The following WDPCP variants were observed in gnomAD, a reference collection of about 807,000 sequenced individuals.
WDPCP encodes WD repeat containing planar cell polarity effector, also known as WD repeat-containing and planar cell polarity effector protein fritz homolog.
In WDPCP, 71 loss-of-function variants were observed where a neutral mutation model predicts 93.1. The observed-to-expected ratio is 0.76, with a 90% CI of 0.63 to 0.93. WDPCP has a LOEUF of 0.93. Ranked by LOEUF, WDPCP falls within the 40% of genes least tolerant of loss-of-function variation. The pLI, the probability that WDPCP is intolerant of heterozygous loss-of-function variation, is 0.00. For missense variants in WDPCP, 844 were observed against 887.4 expected, an observed-to-expected ratio of 0.95 and a Z score of 0.62; for synonymous variants, 315 against 315.0, an observed-to-expected ratio of 1.00 and a Z score of 0.00.
intron 9 of WDPCP, among the ~76,000 whole-genome samples, chr2:63,426,547 G>A (rs1696313021): frequency 6.6e-6 from 1 of 152,078 alleles, no homozygotes. Flanking sequence ...GTCCTTAAGG[G>A]AGTGCTAAAC....
At chr2:63,698,679 G>A (rs1426299141) in intron 2 of WDPCP, among the ~76,000 whole-genome samples, 1 of 152,152 alleles carries the variant, frequency 6.6e-6, no homozygotes, top group Non-Finnish European at 1.5e-5. Context: ...AGAATTTCCT[G>A]GCTAGCAAGA....
chr2:63,451,862 G>C (rs574940996), intron 6 of WDPCP, among the ~76,000 whole-genome samples: 2 of 152,284 alleles, frequency 1.3e-5, no homozygotes, highest in Non-Finnish European at 2.9e-5. Context: ...TATCTCAATA[G>C]ATGCAGAAAA....
intron 13 of WDPCP, among the ~76,000 whole-genome samples, chr2:63,267,477 A>C (rs1682236167): frequency 6.6e-6 from 1 of 152,246 alleles, no homozygotes; most frequent in Non-Finnish European, 1.5e-5. Flanking sequence ...AAGCAAAAAT[A>C]GATAAATGAG....
intron 3 of WDPCP, chr2:63,604,882 A>T (rs974475883): frequency 1.9e-6 from 3 of 1,613,694 alleles, no homozygotes; most frequent in Non-Finnish European, 2.5e-6. Flanking sequence ...GGTAAGAAAA[A>T]TCTGTGAGCC....
chr2:63,440,150 T>G, intron 6 of WDPCP: 1 of 353,736 alleles, frequency 2.8e-6, no homozygotes. Flanking sequence ...TCTAAATACT[T>G]AGAAAGCACA....
chr2:63,490,595 T>A (rs1019926519), intron 2 of WDPCP, among the ~76,000 whole-genome samples: 1 of 152,122 alleles, frequency 6.6e-6, no homozygotes, highest in African/African-American at 2.4e-5. Context: ...AATGTCCCAA[T>A]AGAGAGAATG....
At chr2:63,826,752 C>T (rs563472369) in intron 1 of WDPCP, among the ~76,000 whole-genome samples, 32 of 152,204 alleles carry the variant, frequency 2.1e-4, no homozygotes, top group African/African-American at 6.7e-4. Flanking sequence ...AATAGCATCC[C>T]TCTTCTACTC....
At chr2:63,357,510 AAAG>A (rs1690108240) in intron 12 of WDPCP, among the ~76,000 whole-genome samples, 1 of 152,234 alleles carries the variant, frequency 6.6e-6, no homozygotes, top group Admixed American at 6.5e-5. Context: ...CATATGAAAA[AAAG>A]CTCAGTATCA....
Position 63,783,278 on chromosome 2 carries a change from C to T in WDPCP, n.308+30344G>A, listed in dbSNP as rs147250098. On this transcript the variant is annotated intron_variant and non_coding_transcript_variant, in intron 2 of 4. Coordinates refer to the WDPCP transcript ENST00000467687. ...AAAAAAAATTAAAAAGGAAATTAGC[C>T]AGGTGTCATGGTACACACTGTAGTC... Among the ~76,000 whole-genome samples the T allele has an allele frequency of 4.3e-3, 652 of 151,844 alleles. 4 individuals carry two copies. Among genetic ancestry groups the T allele is most frequent in the African/African-American group, 0.015 (625 of 41,414 alleles).
At chr2:63,331,455 T>C (rs13021322) in intron 12 of WDPCP, among the ~76,000 whole-genome samples, 87,104 of 151,998 alleles carry the variant, frequency 0.57, 25,360 homozygotes, top group Admixed American at 0.65. Flanking sequence ...CATTGTGAGT[T>C]CTTTCAGTAC....
intron 6 of WDPCP, among the ~76,000 whole-genome samples, chr2:63,463,628 C>A (rs1039492393): frequency 6.6e-6 from 1 of 152,072 alleles, no homozygotes; most frequent in African/African-American, 2.4e-5. Flanking sequence ...GTGGTTCTGG[C>A]ATAAAAACAG....
chr2:63,531,941 C>G (rs953536130), intron 1 of WDPCP, among the ~76,000 whole-genome samples: 1 of 152,104 alleles, frequency 6.6e-6, no homozygotes, highest in Non-Finnish European at 1.5e-5. Context: ...TCGAACCCAT[C>G]ATAAGGAAGC....
upstream of WDPCP, chr2:63,589,416 A>G: frequency 6.5e-7 from 1 of 1,543,444 alleles, no homozygotes; most frequent in Non-Finnish European, 8.8e-7. Context: ...TTGGGTCCTA[A>G]CCCCTTTTTC....
At chr2:63,527,046 G>C (rs932222476) in intron 1 of WDPCP, among the ~76,000 whole-genome samples, 17 of 152,108 alleles carry the variant, frequency 1.1e-4, no homozygotes, top group African/African-American at 3.1e-4. Context: ...TTATTTTTAA[G>C]AATATGAGTG....
intron 14 of WDPCP, among the ~76,000 whole-genome samples, chr2:63,231,445 C>G (rs931383534): frequency 6.6e-6 from 1 of 152,082 alleles, no homozygotes; most frequent in African/African-American, 2.4e-5. Flanking sequence ...CATCTCAGCC[C>G]AAAATCTCCT....
chr2:63,734,292 T>C (rs1418139182), intron 2 of WDPCP, among the ~76,000 whole-genome samples: 1 of 152,134 alleles, frequency 6.6e-6, no homozygotes, highest in African/African-American at 2.4e-5. Flanking sequence ...AGAATTTGTA[T>C]AAAAATTGGC....
chr2:63,651,470 C>CACACACACACACAT (rs374360770), intron 2 of WDPCP, among the ~76,000 whole-genome samples: 1 of 151,744 alleles, frequency 6.6e-6, no homozygotes, highest in African/African-American at 2.4e-5. Flanking sequence ...CACACACACA[C>CACACACACACACAT]ACAGAGAGAC....
intron 6 of WDPCP, among the ~76,000 whole-genome samples, chr2:63,472,466 T>C (rs2105828944): frequency 6.6e-6 from 1 of 152,272 alleles, no homozygotes; most frequent in Non-Finnish European, 1.5e-5. Flanking sequence ...TGTCCCTTTG[T>C]CATTCTGTTC....
intron 1 of WDPCP, among the ~76,000 whole-genome samples, chr2:63,508,549 A>G (rs891109398): frequency 1.4e-4 from 21 of 152,182 alleles, no homozygotes; most frequent in African/African-American, 4.6e-4. Context: ...ATAACCAGCT[A>G]ACATCATAAT....
Sources: gnomAD v4.1 joint callset for allele counts (sites outside exome capture counted in the v4.1 genomes callset) on GRCh38, gnomAD v4.1.1 for gene constraint, MANE v1.5 for transcripts, NCBI Gene and HGNC (gene_info 2026-07-23, HGNC 2026-07-21) for gene names.